CDC14A: variants seen among roughly 807,000 people sequenced by gnomAD.
The protein encoded by CDC14A is dual specificity protein phosphatase CDC14A.
Under a neutral mutation model 74.4 loss-of-function variants are expected in CDC14A, and 53 were observed. The ratio of observed to expected loss-of-function variants is 0.71; its 90% CI spans 0.57 to 0.89. The LOEUF (loss-of-function observed/expected upper bound fraction) is 0.89. Among genes scored for constraint, CDC14A ranks in the 40% least tolerant of loss-of-function variants. The probability of loss-of-function intolerance (pLI) is 0.00; values close to 1 mark genes in which losing one functional copy is unlikely to be tolerated. For missense variants in CDC14A, 646 were observed against 713.7 expected (o/e 0.91, Z 1.08); for synonymous variants, 247 against 258.4 (o/e 0.96, Z 0.43).
chr1:100,367,193 C>G (rs900548485), intron 2 of CDC14A, among the ~76,000 whole-genome samples: 8 of 152,160 alleles, frequency 5.3e-5, no homozygotes, highest in African/African-American at 1.9e-4. Context: ...TTCACTATCC[C>G]CAGGTTGATG....
intron 5 of CDC14A, among the ~76,000 whole-genome samples, chr1:100,438,061 T>C (rs778206283): frequency 2.0e-5 from 3 of 152,154 alleles, no homozygotes; most frequent in Non-Finnish European, 2.9e-5. Flanking sequence ...ATAAATGTTG[T>C]AAATAAACTG....
intron 9 of CDC14A, 77 bp from the exon 10 acceptor site, chr1:100,467,879 G>C: frequency 7.2e-7 from 1 of 1,387,708 alleles, no homozygotes; most frequent in South Asian, 1.5e-5. Flanking sequence ...CAGTTTCTGG[G>C]CAAGGTTTGA....
At chr1:100,462,329 T>G in intron 8 of CDC14A, 1 of 333,486 alleles carries the variant, frequency 3.0e-6, no homozygotes, top group Non-Finnish European at 5.7e-6. Flanking sequence ...AGGTCTGTTA[T>G]GCACATTTGA....
At chr1:100,399,234 A>C (rs1658936634) in intron 4 of CDC14A, among the ~76,000 whole-genome samples, 1 of 152,182 alleles carries the variant, frequency 6.6e-6, no homozygotes, top group Admixed American at 6.5e-5. Context: ...CCATTTTGCT[A>C]TTCAGGTGAC....
At chr1:100,450,171 A>G (rs1270752854) in intron 7 of CDC14A, among the ~76,000 whole-genome samples, 1 of 152,294 alleles carries the variant, frequency 6.6e-6, no homozygotes, top group African/African-American at 2.4e-5. Flanking sequence ...AAATTTTCAG[A>G]TTGACCAGGT....
intron 4 of CDC14A, among the ~76,000 whole-genome samples, chr1:100,413,239 CT>C (rs1234173532): frequency 2.6e-5 from 4 of 152,146 alleles, no homozygotes; most frequent in Admixed American, 2.6e-4. Context: ...TAAGCAACAA[CT>C]CTTGTAAATA....
intron 13 of CDC14A, among the ~76,000 whole-genome samples, chr1:100,497,485 A>G (rs904295): frequency 0.85 from 129,800 of 152,240 alleles, 58,755 homozygotes; most frequent in Non-Finnish European, 1. Context: ...AGATGAAATG[A>G]TTTAAACAGT....
intron 3 of CDC14A, among the ~76,000 whole-genome samples, chr1:100,386,041 C>T (rs1656812779): frequency 6.6e-6 from 1 of 151,914 alleles, no homozygotes; most frequent in Non-Finnish European, 1.5e-5. Context: ...GTGTCACCTG[C>T]CTGTAGTCCC....
chr1:100,347,338 C>T (rs368701575), intron 1 of CDC14A, among the ~76,000 whole-genome samples: 31 of 152,306 alleles, frequency 2.0e-4, no homozygotes, highest in Admixed American at 9.8e-4. Flanking sequence ...TGCTCATCCA[C>T]TGCCTTCCAC....
chr1:100,354,400 G>A (rs1199314283), intron 2 of CDC14A, among the ~76,000 whole-genome samples: 2 of 151,982 alleles, frequency 1.3e-5, no homozygotes, highest in South Asian at 4.2e-4. Flanking sequence ...CTTTTATTTG[G>A]GTACCCCAAA....
At chr1:100,498,851 GTGT>G in intron 14 of CDC14A, 75 bp from the exon 15 acceptor site, 1 of 1,509,508 alleles carries the variant, frequency 6.6e-7, no homozygotes. Flanking sequence ...TCATGAGTAT[GTGT>G]TTTAGAAACG....
intron 10 of CDC14A, among the ~76,000 whole-genome samples, chr1:100,483,226 T>A (rs944874328): frequency 6.6e-6 from 1 of 152,112 alleles, no homozygotes; most frequent in African/African-American, 2.4e-5. Flanking sequence ...TAAGTGTTCC[T>A]TTCTCTCTGC....
At chr1:100,391,078 T>A in intron 4 of CDC14A, 1 of 464,320 alleles carries the variant, frequency 2.2e-6, no homozygotes, top group South Asian at 2.1e-5. Flanking sequence ...TATATAGGTA[T>A]TTTAATAAAA....
chr1:100,415,312 C>T (rs1661395545), intron 4 of CDC14A, among the ~76,000 whole-genome samples: 1 of 152,132 alleles, frequency 6.6e-6, no homozygotes, highest in South Asian at 2.1e-4. Flanking sequence ...TAAATCCCAG[C>T]TTCAAATTAA....
At chr1:100,448,559 C>T (rs1665799373) in intron 7 of CDC14A, among the ~76,000 whole-genome samples, 1 of 152,366 alleles carries the variant, frequency 6.6e-6, no homozygotes, top group Non-Finnish European at 1.5e-5. Flanking sequence ...ATTTGCTCAA[C>T]ACCCTGTGAT....
At chr1:100,467,645 C>A (rs1448007889) in intron 9 of CDC14A, among the ~76,000 whole-genome samples, 1 of 152,134 alleles carries the variant, frequency 6.6e-6, no homozygotes, top group Non-Finnish European at 1.5e-5. Context: ...TGCTTCCCTG[C>A]CCCAGCCTTC....
At chr1:100,351,554 G>T (rs746543169), upstream of CDC14A, 9 of 604,832 alleles carry the variant, frequency 1.5e-5, no homozygotes, top group Non-Finnish European at 2.6e-5. Flanking sequence ...CTTCAGCTGA[G>T]ACTATGTAAA....
chr1:100,355,554 C>G (rs147815460), intron 2 of CDC14A, among the ~76,000 whole-genome samples: 11 of 152,246 alleles, frequency 7.2e-5, no homozygotes, highest in African/African-American at 2.4e-4. Context: ...TTTCTGGTAT[C>G]TTATAAGGAA....
intron 4 of CDC14A, among the ~76,000 whole-genome samples, chr1:100,391,872 C>T (rs1228343534): frequency 6.6e-6 from 1 of 152,214 alleles, no homozygotes; most frequent in Non-Finnish European, 1.5e-5. Context: ...GGTGCCCAGC[C>T]CTGCCCACCT....
Sources: allele counts gnomAD v4.1 joint callset (sites outside exome capture counted in the v4.1 genomes callset), GRCh38; gene constraint gnomAD v4.1.1; transcripts MANE v1.5; gene names NCBI Gene and HGNC (gene_info 2026-07-23, HGNC 2026-07-21).